The following VCAN variants were observed in gnomAD, a reference collection of about 807,000 sequenced individuals.
VCAN encodes the protein versican core protein.
A neutral mutation model predicts 245.5 loss-of-function variants in VCAN; 44 were observed. The ratio of observed to expected loss-of-function variants is 0.18; its 90% confidence interval spans 0.14 to 0.23. The LOEUF (loss-of-function observed/expected upper bound fraction) is 0.23, where lower values mean the gene tolerates loss of function less well. VCAN is among the 10% of genes least tolerant of loss of function. The pLI is 1.00. For missense variants in VCAN, 3,793 were observed against 4,057.9 expected (o/e 0.93, Z 1.77); for synonymous variants, 1,413 against 1,437.0 (o/e 0.98, Z 0.38).
chr5:83,545,200 CAT>C (rs1199705348), intron 8 of VCAN: 1 of 406,412 alleles, frequency 2.5e-6, no homozygotes, highest in Non-Finnish European at 4.6e-6. Flanking sequence ...TCACTGTGCA[CAT>C]ATGTGTAATC....
In VCAN at chr5:83,522,281, T is replaced by C; in HGVS notation, c.3975T>C (p.Tyr1325=). ...STKFHPDINV[Y]IIEVRENKTG... is the part of the protein sequence containing the mutation. ...AATTTCACCCTGACATTAATGTTTA[T>C]ATTATTGAGGTCAGAGAAAATAAGA... is the stretch of plus-strand genomic sequence containing the variant. Residue 1325 remains tyrosine, a synonymous_variant, in exon 7 of 15, where the codon TAT becomes TAC. Transcript: ENST00000265077. 1.3e-6 allele frequency: 2 copies of C among 1,599,316 alleles called. No individual in the cohort carries two copies. Among genetic ancestry groups the C allele is most frequent in the Non-Finnish European group, 1.7e-6 (2 of 1,179,904 alleles).
intron 6 of VCAN, among the ~76,000 whole-genome samples, chr5:83,515,805 T>C (rs1745824891): frequency 6.6e-6 from 1 of 152,220 alleles, no homozygotes. Flanking sequence ...CATTATCTTT[T>C]TTGTGTGTGC....
Position 83,493,737 on chromosome 5 carries a change from C to A in VCAN, c.620+17C>A, listed in dbSNP as rs1561230052. ...GACTGTCAGGTAAGAGGTCTGGGGG[C>A]CACAGGCTTCATTATTAACTTGAGA... On this transcript the variant is annotated intron_variant, in intron 4 of 14. Transcript: ENST00000265077. 2 of 1,614,066 alleles carry A rather than the reference C, an allele frequency of 1.2e-6. No individual in the cohort carries two copies.
At position 83,539,980 on chromosome 5, in the gene VCAN, C is replaced by T; in HGVS notation, c.6977C>T (p.Ser2326Leu). ...SQTDIFEGSG[S>L]VTSTTLIEIL... ...ACAGACATCTTTGAAGGTAGTGGGT[C>T]AGTAACCAGCACAACATTAATAGAA... Residue 2326 changes from serine to leucine, a missense_variant, in exon 8 of 15, where the codon TCA (serine) becomes TTA (leucine). Transcript: ENST00000265077. 1 of 1,614,064 alleles carries T rather than the reference C, an allele frequency of 6.2e-7. No individual in the cohort carries two copies. The highest frequency in any genetic ancestry group is 8.5e-7 in the Non-Finnish European group (1 of 1,179,986).
intron 6 of VCAN, among the ~76,000 whole-genome samples, chr5:83,518,134 A>C (rs550345385): frequency 6.6e-6 from 1 of 152,334 alleles, no homozygotes; most frequent in East Asian, 1.9e-4. Flanking sequence ...ACTAGCTTTA[A>C]GTCCTATAGG....
intron 7 of VCAN, among the ~76,000 whole-genome samples, chr5:83,525,399 A>AT (rs201286225): frequency 1.2e-3 from 176 of 152,066 alleles, no homozygotes; most frequent in African/African-American, 4.1e-3. Flanking sequence ...TCAACTCCAG[A>AT]TTTTTTTTAA....
intron 13 of VCAN, among the ~76,000 whole-genome samples, chr5:83,577,442 G>A (rs1405815853): frequency 1.3e-5 from 2 of 152,068 alleles, no homozygotes; most frequent in Non-Finnish European, 2.9e-5. Context: ...ATCACAACTC[G>A]GGTCTGAGGA....
intron 1 of VCAN, among the ~76,000 whole-genome samples, chr5:83,474,756 G>A (rs1452911233): frequency 6.6e-6 from 1 of 152,260 alleles, no homozygotes; most frequent in Admixed American, 6.5e-5. Flanking sequence ...GAGCCGAGTG[G>A]CCTCGCCCCC....
chr5:83,546,593 A>C (rs1001783752), intron 9 of VCAN, among the ~76,000 whole-genome samples: 1 of 33,772 alleles, frequency 3.0e-5, no homozygotes, highest in Non-Finnish European at 6.1e-5. Context: ...TCACCTCTGC[A>C]AAAAAAAAAA....
rs371992747 is a variant in VCAN, at chr5:83,539,460, A to G, written c.6457A>G (p.Thr2153Ala). 1.9e-6 allele frequency: 3 copies of G among 1,613,314 alleles called. No homozygotes were observed. The African/African-American group carries it at 4.0e-5, about 22-fold the overall frequency. Reference protein sequence around the residue: ...QTFTETELKTTDYSVLTTKKT... With the variant: ...QTFTETELKTADYSVLTTKKT... ...ATTTACTGAAACTGAACTCAAAACC[A>G]CAGATTATTCTGTACTAACAACAAA... Residue 2153 changes from threonine (T) to alanine (A), a missense_variant, in exon 8 of 15, where the codon ACA (threonine) becomes GCA (alanine). Coordinates refer to ENST00000265077, the MANE Select transcript of VCAN (RefSeq NM_004385.5).
chr5:83,488,762 G>C (rs553807330), intron 2 of VCAN, among the ~76,000 whole-genome samples: 1 of 152,204 alleles, frequency 6.6e-6, no homozygotes, highest in Admixed American at 6.5e-5. Flanking sequence ...ATAAACAAAT[G>C]CATAACAGCA....
intron 13 of VCAN, among the ~76,000 whole-genome samples, chr5:83,574,576 G>A (rs1482065654): frequency 6.6e-6 from 1 of 152,098 alleles, no homozygotes; most frequent in Non-Finnish European, 1.5e-5. Flanking sequence ...AGATGTTAGG[G>A]ATTTTAACCT....
chr5:83,540,059 C>T lies in VCAN; in HGVS notation c.7056C>T (p.Ser2352=). The T allele has an allele frequency of 6.2e-7, 1 of 1,614,038 alleles. No homozygotes were observed. The highest frequency in any genetic ancestry group is 8.5e-7 in the Non-Finnish European group (1 of 1,179,992). Residue 2352 remains serine, a synonymous_variant, in exon 8 of 15, where the codon TCC becomes TCT. Coordinates refer to ENST00000265077, the MANE Select transcript of VCAN (RefSeq NM_004385.5). ...EGPTVAPLPF[S]TDIGHPQNQT... Reference sequence around the variant, plus strand: ...CCACGGTGGCACCTCTCCCTTTCTCCACGGACATCGGACATCCTCAAAATC... The same window carrying T: ...CCACGGTGGCACCTCTCCCTTTCTCTACGGACATCGGACATCCTCAAAATC...
At chr5:83,543,448 A>G (rs539429532) in intron 8 of VCAN, among the ~76,000 whole-genome samples, 226 of 152,314 alleles carry the variant, frequency 1.5e-3, no homozygotes, top group African/African-American at 5.2e-3. Context: ...GATCATATCA[A>G]TATTACCTTT....
chr5:83,508,341 T>A (rs1350052377), intron 5 of VCAN, among the ~76,000 whole-genome samples: 2 of 152,206 alleles, frequency 1.3e-5, no homozygotes, highest in Non-Finnish European at 2.9e-5. Context: ...TTTAGAACAG[T>A]GTTTTCCAAA....
intron 2 of VCAN, among the ~76,000 whole-genome samples, chr5:83,485,314 G>T (rs1744756506): frequency 6.6e-6 from 1 of 151,204 alleles, no homozygotes; most frequent in Admixed American, 6.6e-5. Context: ...TGAGACAGGA[G>T]AATTGTTTGA....
chr5:83,525,103 T>C (rs1234991227), intron 7 of VCAN, among the ~76,000 whole-genome samples: 6 of 151,616 alleles, frequency 4.0e-5, no homozygotes, highest in African/African-American at 9.7e-5. Context: ...GACACACTTA[T>C]GTTATACTTG....
chr5:83,521,902 T>A lies in VCAN; in HGVS notation c.3596T>A (p.Ile1199Asn), dbSNP rs1746119928. 1 of 1,614,040 alleles carries A rather than the reference T, an allele frequency of 6.2e-7. No homozygotes were observed. Among genetic ancestry groups the A allele is most frequent in the Non-Finnish European group, 8.5e-7 (1 of 1,180,036 alleles). ...KATELIEFSTIKVTVPSDITT... is the reference protein window; with the variant it reads ...KATELIEFSTNKVTVPSDITT... Reference sequence around the variant, plus strand: ...ACAGAACTCATAGAATTTTCAACAATCAAAGTCACAGTTCCAAGTGATATT... The same window carrying A: ...ACAGAACTCATAGAATTTTCAACAAACAAAGTCACAGTTCCAAGTGATATT... The change falls in exon 7 of 15, where the codon ATC (isoleucine) becomes AAC (asparagine). Residue 1199 changes from isoleucine to asparagine, a missense_variant. Ile to Asn is a moderately radical substitution (Grantham distance 149, BLOSUM62 -3). Around this residue, in one of 5 missense-constraint regions of VCAN, gnomAD observed 3,182 missense variants for 3,250.3 expected, o/e 0.98. Coordinates refer to ENST00000265077, the MANE Select transcript of VCAN (RefSeq NM_004385.5).
chr5:83,474,769 G>C (rs1744326154), intron 1 of VCAN, among the ~76,000 whole-genome samples: 1 of 152,266 alleles, frequency 6.6e-6, no homozygotes, highest in Non-Finnish European at 1.5e-5. Flanking sequence ...TCGCCCCCAG[G>C]ATTCGGGGCC....
Sources: gnomAD v4.1 joint callset for allele counts (sites outside exome capture counted in the v4.1 genomes callset) on GRCh38, gnomAD v4.1.1 for gene constraint, gnomAD v4.1.1 regional missense constraint, MANE v1.5 for transcripts, NCBI Gene and HGNC (gene_info 2026-07-23, HGNC 2026-07-21) for gene names.